Variants in SPX observed in about 807,000 individuals in gnomAD.
The protein encoded by SPX is spexin hormone.
SPX carries 22 observed loss-of-function variants against 19.2 expected under a neutral mutation model. The observed-to-expected ratio is 1.15, with a 90% CI of 0.82 to 1.64. The LOEUF (loss-of-function observed/expected upper bound fraction) is 1.64. Among genes scored for constraint, SPX ranks in the 40% most tolerant of loss-of-function variants. SPX has a pLI of 0.00. For synonymous variants in SPX, 50 were observed against 53.3 expected, an observed-to-expected ratio of 0.94 and a Z score of 0.27; for missense variants, 143 against 137.7, an observed-to-expected ratio of 1.04 and a Z score of -0.19.
In SPX at chr12:21,531,345, T is replaced by G; in HGVS notation, c.*150T>G. The G allele has an allele frequency of 1.8e-6, 1 of 559,084 alleles. No homozygotes were observed. The highest frequency in any genetic ancestry group is 3.0e-6 in the Non-Finnish European group (1 of 332,762). 34.6% of individuals were successfully genotyped at this position (559,084 alleles called of 1,614,324 possible). ...TTTCAGAAACAAAATATATATAGGA[T>G]GCTTAGCTGAGAACATCATCTTCTT... On this transcript the variant is annotated 3_prime_UTR_variant, in exon 6 of 6. Transcript: ENST00000256969.
At chr12:21,530,351 A>G (rs1019774626) in intron 5 of SPX, among the ~76,000 whole-genome samples, 24 of 152,152 alleles carry the variant, frequency 1.6e-4, no homozygotes, top group Non-Finnish European at 2.2e-4. Context: ...CCCTTTAAAG[A>G]GAAGCCCATT....
intron 5 of SPX, among the ~76,000 whole-genome samples, chr12:21,529,954 G>A (rs1943848451): frequency 6.6e-6 from 1 of 152,188 alleles, no homozygotes; most frequent in Admixed American, 6.5e-5. Flanking sequence ...AAAATGTGCA[G>A]AGCCAGAAAG....
chr12:21,532,332 C>T lies in SPX; in HGVS notation c.*1137C>T, dbSNP rs985552535. On this transcript the variant is annotated 3_prime_UTR_variant, in exon 6 of 6. Transcript: ENST00000256969. ...AGTATTTAGCCATTATTTAGTAGCT[C>T]AAGAATATCTTTATGTGAATGTCTC... is the stretch of plus-strand genomic sequence containing the variant. 5 of 152,122 alleles carry T rather than the reference C, an allele frequency of 3.3e-5. No homozygotes were observed. Among genetic ancestry groups the T allele is most frequent in the African/African-American group, 1.2e-4 (5 of 41,412 alleles). The allele number at this position is 152,122 out of a possible 1,614,324, so 9.4% of individuals were successfully genotyped here.
chr12:21,527,924 T>G, intron 4 of SPX, 135 bp downstream of exon 4: 1 of 987,430 alleles, frequency 1.0e-6, no homozygotes, highest in Non-Finnish European at 1.5e-6. Context: ...CGCCCTCAGA[T>G]ACAGTCCGCC....
In SPX at chr12:21,528,911, T is replaced by G; in HGVS notation, c.209-90T>G. On this transcript the variant is annotated intron_variant, in intron 4 of 5. Coordinates refer to ENST00000256969, the MANE Select transcript of SPX (RefSeq NM_030572.4). ...GGGGTCAAAATCTATTTCATAGAGG[T>G]TTTTCTAGTATTGCTGCATGTTAGA... 1.1e-5 allele frequency: 13 copies of G among 1,185,378 alleles called. No homozygotes were observed. The South Asian group carries it at 1.6e-4, about 15-fold the overall frequency. The allele number at this position is 1,185,378 out of a possible 1,614,324, so 73.4% of individuals were successfully genotyped here.
chr12:21,526,807 A>G lies in SPX; in HGVS notation c.7-79A>G, dbSNP rs1943818490. 6 of 1,352,120 alleles carry G rather than the reference A, an allele frequency of 4.4e-6. No homozygotes were observed. In the South Asian group the frequency reaches 7.2e-5, roughly 16 times the overall value. 83.8% of individuals were successfully genotyped at this position (1,352,120 alleles called of 1,614,324 possible). ...ATTGCGAGAAGTAAGGGGGTTTATA[A>G]TTGTCCAGGCGTCAAGGAAGGAAGC... On this transcript the variant is annotated intron_variant, in intron 1 of 5. Transcript: ENST00000256969.
intron 4 of SPX, 102 bp from the exon 5 acceptor site, chr12:21,528,899 A>C: frequency 9.5e-7 from 1 of 1,057,038 alleles, no homozygotes; most frequent in Admixed American, 1.9e-5. Context: ...GTCAAAATCT[A>C]TTTCATAGAG....
chr12:21,527,116 C>T lies in SPX; in HGVS notation c.88-19C>T, dbSNP rs1172550628. 1 of 1,613,144 alleles carries T rather than the reference C, an allele frequency of 6.2e-7. No homozygotes were observed. The highest frequency in any genetic ancestry group is 1.1e-5 in the South Asian group (1 of 91,068). On this transcript the variant is annotated intron_variant, in intron 2 of 5. Coordinates refer to ENST00000256969, the MANE Select transcript of SPX (RefSeq NM_030572.4). ...CTGCAATGTTTTATTAACTGCTCTTCCCTTCCCCCGGGCTATAGAGACTGT... is the reference window on the plus strand; with the variant it reads ...CTGCAATGTTTTATTAACTGCTCTTTCCTTCCCCCGGGCTATAGAGACTGT...
chr12:21,529,510 C>T (rs1447276821), intron 5 of SPX, among the ~76,000 whole-genome samples: 1 of 152,076 alleles, frequency 6.6e-6, no homozygotes, highest in Non-Finnish European at 1.5e-5. Context: ...GTAGCTGATG[C>T]TACTGATCCC....
rs1943824249 is a variant in SPX, at chr12:21,527,411, C to T, written c.145+219C>T. ...CTTATTAGAAATTCTCCATCCAAAA[C>T]TGGAGGGTTGCTTCTCTTGGTCCAA... On this transcript the variant is annotated intron_variant, in intron 3 of 5. Coordinates refer to ENST00000256969, the MANE Select transcript of SPX (RefSeq NM_030572.4). 3.0e-5 allele frequency: 18 copies of T among 608,494 alleles called. No individual in the cohort carries two copies. The South Asian group carries it at 3.7e-4, about 13-fold the overall frequency. The allele number at this position is 608,494 out of a possible 1,614,324, so 37.7% of individuals were successfully genotyped here. A position where few individuals can be genotyped will look rare whatever the true frequency, so the allele number is the denominator to read the frequency against.
intron 3 of SPX, 71 bp downstream of exon 3, chr12:21,527,263 G>C: frequency 1.4e-6 from 2 of 1,407,486 alleles, no homozygotes. Context: ...GATAGATGGA[G>C]AGTTATGGAG....
intron 5 of SPX, among the ~76,000 whole-genome samples, chr12:21,530,155 G>A (rs1943850364): frequency 6.6e-6 from 1 of 152,126 alleles, no homozygotes; most frequent in Admixed American, 6.5e-5. Flanking sequence ...AATTTTATTA[G>A]TCTAAATTGA....
At chr12:21,527,875 A>G in intron 4 of SPX, 86 bp downstream of exon 4, 1 of 1,439,346 alleles carries the variant, frequency 6.9e-7, no homozygotes, top group African/African-American at 1.4e-5. Flanking sequence ...CTGGTGCCGA[A>G]AGAAAGCGTC....
rs1226989007 is a variant in SPX, at chr12:21,527,318, A to G, written c.145+126A>G. On this transcript the variant is annotated intron_variant, in intron 3 of 5. Transcript: ENST00000256969. Reference sequence around the variant, plus strand: ...ATTCCCTTAAATCATCGAGGCCATCAAAGAGACCGGTAGGTGAGGGAGGGG... The same window carrying G: ...ATTCCCTTAAATCATCGAGGCCATCGAAGAGACCGGTAGGTGAGGGAGGGG... The G allele has an allele frequency of 1.3e-5, 12 of 942,010 alleles. No homozygotes were observed. The East Asian group carries it at 3.1e-4, about 24-fold the overall frequency. The allele number at this position is 942,010 out of a possible 1,614,324, so 58.4% of individuals were successfully genotyped here. A position where few individuals can be genotyped will look rare whatever the true frequency, so the allele number is the denominator to read the frequency against.
At chr12:21,527,353 G>A (rs1943823795) in intron 3 of SPX, 161 bp downstream of exon 3, 1 of 677,084 alleles carries the variant, frequency 1.5e-6, no homozygotes, top group Non-Finnish European at 2.5e-6. Context: ...GTGGGAGAGG[G>A]GAAGAGTCCC....
intron 5 of SPX, 116 bp downstream of exon 5, chr12:21,529,200 T>C: frequency 1.1e-6 from 1 of 947,332 alleles, no homozygotes; most frequent in Non-Finnish European, 1.7e-6. Flanking sequence ...GGCCCAGAAA[T>C]TCTAATTCTG....
chr12:21,527,974 C>G, intron 4 of SPX, 185 bp downstream of exon 4: 1 of 606,954 alleles, frequency 1.6e-6, no homozygotes, highest in Non-Finnish European at 2.7e-6. Context: ...AGCTGGATGC[C>G]GAGCGCCGGA....
chr12:21,527,286 C>A, intron 3 of SPX, 94 bp downstream of exon 3: 1 of 1,282,342 alleles, frequency 7.8e-7, no homozygotes, highest in Non-Finnish European at 1.1e-6. Flanking sequence ...AGAATAATGT[C>A]GAGTTTATTC....
At chr12:21,529,114 A>G (rs1943841398) in intron 5 of SPX, 30 bp downstream of exon 5, 5 of 1,582,196 alleles carry the variant, frequency 3.2e-6, no homozygotes, top group Non-Finnish European at 2.6e-6. Flanking sequence ...TTTCACCTGC[A>G]TAACAGAACA....
Sources: allele counts gnomAD v4.1 joint callset (sites outside exome capture counted in the v4.1 genomes callset), GRCh38; gene constraint gnomAD v4.1.1; transcripts MANE v1.5; gene names NCBI Gene and HGNC (gene_info 2026-07-23, HGNC 2026-07-21).